SF3B1: variants seen among roughly 807,000 people sequenced by gnomAD.
The protein encoded by SF3B1 is splicing factor 3b subunit 1.
A neutral mutation model predicts 153.8 loss-of-function variants in SF3B1; 12 were observed. The ratio of observed to expected loss-of-function variants is 0.08; its 90% CI spans 0.05 to 0.13. The LOEUF (loss-of-function observed/expected upper bound fraction) is 0.13. Ranked by LOEUF, SF3B1 falls within the 10% of genes least tolerant of loss-of-function variation. The pLI, the probability that SF3B1 is intolerant of heterozygous loss-of-function variation, is 1.00. For synonymous variants in SF3B1, 498 were observed against 525.2 expected (o/e 0.95, Z 0.71); for missense variants, 513 against 1,606.1 (o/e 0.32, Z 11.63).
chr2:197,403,807 C>A, intron 11 of SF3B1, 43 bp from the exon 12 acceptor site: 1 of 1,452,214 alleles, frequency 6.9e-7, no homozygotes, highest in South Asian at 1.4e-5. Flanking sequence ...TCTTTATAAT[C>A]AAACATTTTG....
rs930707656 is a variant in SF3B1, at chr2:197,392,261, G to T, written c.*42C>A. The T allele has an allele frequency of 1.2e-6, 1 of 820,326 alleles. No individual in the cohort carries two copies. Among genetic ancestry groups the T allele is most frequent in the East Asian group, 2.5e-5 (1 of 40,708 alleles). The allele number at this position is 820,326 out of a possible 1,614,324, so 50.8% of individuals were successfully genotyped here. On this transcript the variant is annotated 3_prime_UTR_variant, in exon 25 of 25. Coordinates refer to ENST00000335508, the MANE Select transcript of SF3B1 (RefSeq NM_012433.4). ...ATCACCAAATCAAAGCAAGTTTAAGGTGTGAAGTAGCTGTGCATTAAACAC... is the reference window on the plus strand; with the variant it reads ...ATCACCAAATCAAAGCAAGTTTAAGTTGTGAAGTAGCTGTGCATTAAACAC...
At position 197,409,906 on chromosome 2, in the gene SF3B1, A is replaced by G. The variant is rs2085043528; in HGVS notation, c.768T>C (p.Pro256=). Residue 256 remains proline (P), a synonymous_variant, in exon 7 of 25, where the codon CCT becomes CCC. Transcript: ENST00000335508. The part of the protein sequence containing the change: ...GATPGSKIWD[P]TPSHTPAGAA... ...CTCCCGCTGGTGTGTGGCTAGGTGT[A>G]GGATCCCATATTTTTGAGCCTGGGG... 2 of 1,613,446 alleles carry G rather than the reference A, an allele frequency of 1.2e-6. No homozygotes were observed.
chr2:197,420,361 A>G (rs2085220622), intron 4 of SF3B1, 67 bp downstream of exon 4: 1 of 1,221,172 alleles, frequency 8.2e-7, no homozygotes, highest in Non-Finnish European at 1.2e-6. Flanking sequence ...AAAAAAAATC[A>G]AAGGGCTAAA....
At chr2:197,427,454 T>C (rs936077078) in intron 1 of SF3B1, among the ~76,000 whole-genome samples, 2 of 152,248 alleles carry the variant, frequency 1.3e-5, no homozygotes, top group Non-Finnish European at 2.9e-5. Flanking sequence ...CTCAGCAGCT[T>C]ATTATGCAAT....
chr2:197,418,234 C>CAAAAAAAAAAAAA lies in SF3B1; in HGVS notation c.495+262_495+274dup, dbSNP rs59644092. Among the ~76,000 whole-genome samples the CAAAAAAAAAAAAA allele has an allele frequency of 8.3e-3, 302 of 36,386 alleles. 58 individuals carry two copies. Among genetic ancestry groups the CAAAAAAAAAAAAA allele is most frequent in the Non-Finnish European group, 9.2e-3 (169 of 18,278 alleles). 23.9% of individuals were successfully genotyped at this position (36,386 alleles called of 152,430 possible). On this transcript the variant is annotated intron_variant, in intron 5 of 24. Coordinates refer to ENST00000335508, the MANE Select transcript of SF3B1 (RefSeq NM_012433.4). ...CTGGATGACAGAGTGAGACTGTGTC[C>CAAAAAAAAAAAAA]AAAAAAAAAAAAAAAAAAAAAAAAA...
At chr2:197,428,016 T>C (rs533012902) in intron 1 of SF3B1, among the ~76,000 whole-genome samples, 7 of 150,312 alleles carry the variant, frequency 4.7e-5, no homozygotes, top group African/African-American at 1.7e-4. Flanking sequence ...AGACTCCGTC[T>C]CAAATTAATT....
At position 197,418,569 on chromosome 2, in the gene SF3B1, A is replaced by G. The variant is rs995509687; in HGVS notation, c.435T>C (p.Pro145=). 6.2e-7 allele frequency: 1 copy of G among 1,612,846 alleles called. No homozygotes were observed. Among genetic ancestry groups the G allele is most frequent in the Non-Finnish European group, 8.5e-7 (1 of 1,179,226 alleles). The part of the protein sequence containing the change: ...PFADGGKTPD[P]KMNARTYMDV... ...CCATGTAAGTCCTAGCATTCATTTT[A>G]GGATCAGGGGTTTTCCCTCCTGCAG... The change falls in exon 5 of 25, where the codon CCT becomes CCC. Residue 145 remains proline, a synonymous_variant. Transcript: ENST00000335508.
intron 9 of SF3B1, among the ~76,000 whole-genome samples, chr2:197,405,945 C>T (rs1233637116): frequency 6.6e-6 from 1 of 151,974 alleles, no homozygotes; most frequent in Non-Finnish European, 1.5e-5. Context: ...GTGTAAAACT[C>T]TACAAAAATT....
Position 197,402,862 on chromosome 2 carries a change from G to T in SF3B1, c.1807-36C>A. The T allele has an allele frequency of 6.2e-7, 1 of 1,611,552 alleles. No homozygotes were observed. The highest frequency in any genetic ancestry group is 1.1e-5 in the South Asian group (1 of 90,898). ...AACAAAGAAAGGACAGTCATGAGTT[G>T]GTAATATTAATCTTCAACCATTTCT... On this transcript the variant is annotated intron_variant, in intron 13 of 24. Coordinates refer to ENST00000335508, the MANE Select transcript of SF3B1 (RefSeq NM_012433.4). This position sits in a 1 kb window ranked among gnomAD's most constrained non-coding sequence, Gnocchi z 4.6.
chr2:197,410,552 C>A (rs905620744), intron 6 of SF3B1, among the ~76,000 whole-genome samples: 7 of 132,978 alleles, frequency 5.3e-5, no homozygotes, highest in Admixed American at 8.8e-5. Context: ...GTCACCCAGG[C>A]TGGAGTGCCG....
chr2:197,423,880 C>T lies in SF3B1; in HGVS notation c.123G>A (p.Gln41=), dbSNP rs773373766. The change falls in exon 2 of 25, where the codon CAG becomes CAA. Residue 41 remains glutamine, a synonymous_variant. Coordinates refer to ENST00000335508, the MANE Select transcript of SF3B1 (RefSeq NM_012433.4). ...VGLDSTGYYD[Q]EIYGGSDSRF... is the part of the protein sequence containing the mutation. The stretch of plus-strand genomic sequence containing the variant: ...TGCTGTCACTTCCACCATAAATTTC[C>T]TGGTCATAATAACCTGTAGAATCGA... The T allele has an allele frequency of 3.1e-6, 5 of 1,613,594 alleles. No individual in the cohort carries two copies. The South Asian group carries it at 4.4e-5, about 14-fold the overall frequency.
At chr2:197,397,837 C>G in intron 22 of SF3B1, 148 bp downstream of exon 22, 1 of 493,376 alleles carries the variant, frequency 2.0e-6, no homozygotes. Flanking sequence ...TTCCAATAAT[C>G]AGAAGGTCAG....
chr2:197,418,539 T>C lies in SF3B1; in HGVS notation c.465A>G (p.Val155=), dbSNP rs1428247791. Reference sequence around the variant, plus strand: ...CTTTAGTCAAGTGTTGTTCTCGCATTACATCCATGTAAGTCCTAGCATTCA... The same window carrying C: ...CTTTAGTCAAGTGTTGTTCTCGCATCACATCCATGTAAGTCCTAGCATTCA... ...PKMNARTYMD[V]MREQHLTKEE... The change falls in exon 5 of 25, where the codon GTA becomes GTG. Residue 155 remains valine, a synonymous_variant. Coordinates refer to ENST00000335508, the MANE Select transcript of SF3B1 (RefSeq NM_012433.4). 6.2e-7 allele frequency: 1 copy of C among 1,612,714 alleles called. No individual in the cohort carries two copies. The highest frequency in any genetic ancestry group is 1.3e-5 in the African/African-American group (1 of 74,904).
chr2:197,399,990 CGAAAAAAAAAA>C, intron 20 of SF3B1, 54 bp downstream of exon 20: 1 of 1,117,246 alleles, frequency 9.0e-7, no homozygotes, highest in Non-Finnish European at 1.3e-6. Context: ...ATTTTACTTA[CGAAAAAAAAAA>C]GAAAAAGAAA....
rs769145728 is a variant in SF3B1 at position 197,400,944 on chromosome 2, G to C, written c.2497-8C>G. 3.8e-6 allele frequency: 6 copies of C among 1,583,776 alleles called. No individual in the cohort carries two copies. Among genetic ancestry groups the C allele is most frequent in the East Asian group, 2.2e-5 (1 of 44,628 alleles). Reference sequence around the variant, plus strand: ...CACAGTAGTATCAACTAACTAAAAAGAACAGAAAAACAAAAAACCTTTTAG... The same window carrying C: ...CACAGTAGTATCAACTAACTAAAAACAACAGAAAAACAAAAAACCTTTTAG... On this transcript the variant is annotated splice_region_variant and splice_polypyrimidine_tract_variant and intron_variant, in intron 17 of 24. Coordinates refer to ENST00000335508, the MANE Select transcript of SF3B1 (RefSeq NM_012433.4). The surrounding 1 kb of genome is among the most constrained non-coding windows in gnomAD (Gnocchi z 5.0).
chr2:197,425,431 AC>A (rs1403391907), intron 1 of SF3B1, among the ~76,000 whole-genome samples: 3 of 152,198 alleles, frequency 2.0e-5, no homozygotes, highest in Non-Finnish European at 2.9e-5. Flanking sequence ...ACGCCATTGC[AC>A]TCCAGCCTGG....
In SF3B1 at chr2:197,421,075, T is replaced by A. The variant is rs1472004245; in HGVS notation, c.254A>T (p.His85Leu). 9 of 1,613,382 alleles carry A rather than the reference T, an allele frequency of 5.6e-6. No homozygotes were observed. The highest frequency in any genetic ancestry group is 7.6e-6 in the Non-Finnish European group (9 of 1,179,678). ...SLLGQKKPGY[H>L]APVALLNDIP... ...ATCATTAAGCAATGCCACAGGGGCATGATATCCTGGCTTCTTCTGACCAAG... is the reference window on the plus strand; with the variant it reads ...ATCATTAAGCAATGCCACAGGGGCAAGATATCCTGGCTTCTTCTGACCAAG... The change falls in exon 3 of 25, where the codon CAT (histidine) becomes CTT (leucine). Residue 85 changes from histidine (H) to leucine (L), a missense_variant. Physicochemically the swap from His to Leu is moderately conservative, Grantham distance 99 (BLOSUM62 -3). Coordinates refer to ENST00000335508, the MANE Select transcript of SF3B1 (RefSeq NM_012433.4).
intron 3 of SF3B1, 94 bp from the exon 4 acceptor site, chr2:197,420,636 G>A: frequency 1.4e-6 from 1 of 706,102 alleles, no homozygotes. Flanking sequence ...AAGCACAAAT[G>A]TTTAATACAT....
intron 5 of SF3B1, among the ~76,000 whole-genome samples, chr2:197,417,582 A>T (rs2085168761): frequency 6.7e-6 from 1 of 150,306 alleles, no homozygotes; most frequent in Non-Finnish European, 1.5e-5. Flanking sequence ...TACTAAAAAA[A>T]AAAAAAAAAA....
Sources: gnomAD v4.1 joint callset for allele counts (sites outside exome capture counted in the v4.1 genomes callset) on GRCh38, gnomAD v4.1.1 for gene constraint, Gnocchi (gnomAD v3.1) non-coding constraint, MANE v1.5 for transcripts, NCBI Gene and HGNC (gene_info 2026-07-23, HGNC 2026-07-21) for gene names.